RMDN2: variants seen among roughly 807,000 people sequenced by gnomAD.
The protein encoded by RMDN2 is regulator of microtubule dynamics protein 2.
RMDN2 carries 61 observed loss-of-function variants against 52.8 expected under a neutral mutation model. That is an observed-to-expected ratio of 1.16 (90% CI 0.94 to 1.43). RMDN2 has a LOEUF of 1.43. Ranked by LOEUF, RMDN2 falls within the 40% of genes most tolerant of loss-of-function variation. RMDN2 has a pLI of 0.00. For missense variants in RMDN2, 592 were observed against 475.3 expected, an observed-to-expected ratio of 1.25 and a Z score of -2.28; for synonymous variants, 180 against 153.1, an observed-to-expected ratio of 1.18 and a Z score of -1.30.
rs898269899 is a variant in RMDN2, at chr2:37,929,589, G to A, written c.312G>A (p.Glu104=). Residue 104 remains glutamate (E), a synonymous_variant, in exon 2 of 11, where the codon GAG becomes GAA. Coordinates refer to ENST00000354545, the MANE Select transcript of RMDN2 (RefSeq NM_001170791.3). ...TTAAAGAAGCTATTCCAAAGCTGGA[G>A]GAATATATACAAGATGAACTTGGAG... The part of the protein sequence containing the change: ...RFLKEAIPKL[E]EYIQDELGGK... The A allele has an allele frequency of 3.9e-6, 6 of 1,551,726 alleles. No homozygotes were observed. Among genetic ancestry groups the A allele is most frequent in the Non-Finnish European group, 5.2e-6 (6 of 1,146,948 alleles).
chr2:37,947,642 T>C (rs771121127), intron 2 of RMDN2, among the ~76,000 whole-genome samples: 20 of 152,160 alleles, frequency 1.3e-4, no homozygotes, highest in Non-Finnish European at 2.5e-4. Flanking sequence ...TGATAAACTA[T>C]AAAAACAACT....
At position 37,929,481 on chromosome 2, in the gene RMDN2, T is replaced by G; in HGVS notation, c.204T>G (p.Phe68Leu). 1 of 1,551,648 alleles carries G rather than the reference T, an allele frequency of 6.4e-7. No homozygotes were observed. The highest frequency in any genetic ancestry group is 1.2e-5 in the South Asian group (1 of 84,058). The change falls in exon 2 of 11, where the codon TTT becomes TTG. Residue 68 changes from phenylalanine to leucine, a missense_variant. Transcript: ENST00000354545. ...IHDDQGTTVI[F>L]QERQLQILEK... Reference sequence around the variant, plus strand: ...ATGACCAAGGAACAACAGTAATCTTTCAAGAAAGGCAACTTCAGATACTGG... The same window carrying G: ...ATGACCAAGGAACAACAGTAATCTTGCAAGAAAGGCAACTTCAGATACTGG...
At chr2:37,931,723 CAGATGTTTTA>C (rs1401455864) in intron 2 of RMDN2, among the ~76,000 whole-genome samples, 1 of 152,220 alleles carries the variant, frequency 6.6e-6, no homozygotes, top group Non-Finnish European at 1.5e-5. Context: ...GGTGTAGGCA[CAGATGTTTTA>C]TGTGGGTTCA....
At chr2:37,967,453 G>A (rs1462122499) in intron 2 of RMDN2, among the ~76,000 whole-genome samples, 5 of 152,170 alleles carry the variant, frequency 3.3e-5, no homozygotes, top group East Asian at 1.9e-4. Context: ...AAGCAATGGC[G>A]CCCAAGAGGT....
chr2:38,030,707 A>G (rs1362103372), intron 10 of RMDN2: 1 of 152,224 alleles, frequency 6.6e-6, no homozygotes, highest in African/African-American at 2.4e-5. Context: ...TAAGAAAATG[A>G]TATCACCATC....
rs370656458 is a variant in RMDN2, at chr2:37,976,697, A to G, written c.730+1383A>G. 1.1e-3 allele frequency among the ~76,000 whole-genome samples: 166 copies of G among 152,334 alleles called. 2 individuals carry two copies. The South Asian group carries it at 0.032, about 29-fold the overall frequency. On this transcript the variant is annotated intron_variant, in intron 4 of 10. Coordinates refer to ENST00000354545, the MANE Select transcript of RMDN2 (RefSeq NM_001170791.3). Reference sequence around the variant, plus strand: ...CAGACCATATACAAAACAGAATTCTAGAGAAGAGATGTATTAATTTCAACA... The same window carrying G: ...CAGACCATATACAAAACAGAATTCTGGAGAAGAGATGTATTAATTTCAACA...
chr2:38,007,905 A>G (rs1041899256), intron 10 of RMDN2, among the ~76,000 whole-genome samples: 9 of 151,828 alleles, frequency 5.9e-5, no homozygotes, highest in African/African-American at 1.7e-4. Flanking sequence ...GATATGTTGT[A>G]TCTTTGTTCT....
upstream of RMDN2, among the ~76,000 whole-genome samples, chr2:37,922,034 G>T (rs1666046468): frequency 6.6e-6 from 1 of 152,170 alleles, no homozygotes. Flanking sequence ...CCTGCTCTTT[G>T]CCTGTGCGCT....
chr2:37,936,787 A>T (rs929440517), intron 2 of RMDN2, among the ~76,000 whole-genome samples: 1 of 152,202 alleles, frequency 6.6e-6, no homozygotes, highest in East Asian at 1.9e-4. Context: ...TAGATACTTA[A>T]TATTAGCCCT....
chr2:38,021,178 C>T (rs529991024), downstream of RMDN2, among the ~76,000 whole-genome samples: 1 of 152,236 alleles, frequency 6.6e-6, no homozygotes, highest in Non-Finnish European at 1.5e-5. Context: ...CTGTATCTAG[C>T]TAATCTAGTG....
intron 2 of RMDN2, among the ~76,000 whole-genome samples, chr2:37,968,190 C>A (rs528552881): frequency 8.6e-4 from 131 of 152,182 alleles, no homozygotes; most frequent in African/African-American, 3.0e-3. Context: ...CCTGTAATCC[C>A]AGCACTTTGG....
intron 10 of RMDN2, among the ~76,000 whole-genome samples, chr2:38,041,824 G>GT (rs1283792468): frequency 6.6e-6 from 1 of 151,992 alleles, no homozygotes; most frequent in South Asian, 2.1e-4. Flanking sequence ...TATGGTTGTA[G>GT]TTTTTTTTAT....
chr2:37,979,835 A>T (rs1439232579), intron 4 of RMDN2, among the ~76,000 whole-genome samples: 1 of 152,164 alleles, frequency 6.6e-6, no homozygotes, highest in Non-Finnish European at 1.5e-5. Context: ...TTCATTTGGT[A>T]ATGTAGCTAA....
intron 10 of RMDN2, among the ~76,000 whole-genome samples, chr2:38,015,693 A>G (rs1678671249): frequency 6.6e-6 from 1 of 152,248 alleles, no homozygotes; most frequent in Non-Finnish European, 1.5e-5. Flanking sequence ...TTCTGGAGAA[A>G]ATCCTCAAAA....
chr2:37,991,264 T>C lies in RMDN2; in HGVS notation c.912T>C (p.Phe304=), dbSNP rs375302338. The C allele has an allele frequency of 4.4e-6, 7 of 1,590,004 alleles. No homozygotes were observed. The highest frequency in any genetic ancestry group is 6.0e-6 in the Non-Finnish European group (7 of 1,166,718). ...IAIKLLPEEP[F]LYYLKGRYCY... ...TCAAACTTTTACCAGAGGAACCCTT[T>C]CTATATTACCTCAAAGGGAGATACT... is the stretch of plus-strand genomic sequence containing the variant. The change falls in exon 7 of 11, where the codon TTT becomes TTC. Residue 304 remains phenylalanine, a synonymous_variant. Transcript: ENST00000354545.
intron 8 of RMDN2, among the ~76,000 whole-genome samples, chr2:38,002,369 T>C (rs771838231): frequency 3.3e-5 from 5 of 152,194 alleles, no homozygotes; most frequent in African/African-American, 7.2e-5. Flanking sequence ...AGATGTCCAA[T>C]GGAGAATGCT....
At chr2:37,954,515 G>C (rs950442157) in intron 2 of RMDN2, among the ~76,000 whole-genome samples, 4 of 151,986 alleles carry the variant, frequency 2.6e-5, no homozygotes, top group African/African-American at 9.7e-5. Flanking sequence ...TCATATATGT[G>C]TGGTTGACTT....
chr2:38,053,373 G>A (rs1032819987), intron 10 of RMDN2, among the ~76,000 whole-genome samples: 2 of 152,234 alleles, frequency 1.3e-5, no homozygotes, highest in Middle Eastern at 6.8e-3. Flanking sequence ...TTGAGGTTTC[G>A]TGGGAATGTC....
At chr2:37,947,448 T>C (rs576968692) in intron 2 of RMDN2, among the ~76,000 whole-genome samples, 15 of 152,292 alleles carry the variant, frequency 9.8e-5, no homozygotes, top group Non-Finnish European at 1.6e-4. Context: ...GCTAAATTCA[T>C]TAAAAAAGCC....
Sources: gnomAD v4.1 joint callset for allele counts (sites outside exome capture counted in the v4.1 genomes callset) on GRCh38, gnomAD v4.1.1 for gene constraint, MANE v1.5 for transcripts, NCBI Gene and HGNC (gene_info 2026-07-23, HGNC 2026-07-21) for gene names.